MON2: variants seen among roughly 807,000 people sequenced by gnomAD.
MON2 encodes protein MON2 homolog.
Under a neutral mutation model 208.6 loss-of-function variants are expected in MON2, and 84 were observed. The ratio of observed to expected loss-of-function variants is 0.40; its 90% CI spans 0.34 to 0.48. MON2 has a LOEUF of 0.48. MON2 is among the 20% of genes least tolerant of loss of function. The pLI is 0.59. For missense variants in MON2, 1,611 were observed against 2,015.4 expected (o/e 0.80, Z 3.84); for synonymous variants, 660 against 694.0 (o/e 0.95, Z 0.77).
intron 32 of MON2, among the ~76,000 whole-genome samples, chr12:62,581,696 T>C (rs1397038691): frequency 6.6e-6 from 1 of 152,164 alleles, no homozygotes; most frequent in East Asian, 1.9e-4. Context: ...CCAGGTGTGA[T>C]GGCATTTGTC....
At chr12:62,542,738 C>T (rs909844103) in intron 19 of MON2, among the ~76,000 whole-genome samples, 1 of 152,076 alleles carries the variant, frequency 6.6e-6, no homozygotes, top group Admixed American at 6.5e-5. Context: ...TTTTTCCCTA[C>T]TTCTTGACAT....
At chr12:62,545,072 T>A in intron 21 of MON2, 64 bp downstream of exon 21, 1 of 1,065,212 alleles carries the variant, frequency 9.4e-7, no homozygotes. Flanking sequence ...CCATATGTGA[T>A]TTTTTTCTTA....
chr12:62,585,456 G>T lies in MON2; in HGVS notation c.4862G>T (p.Arg1621Leu). 6.2e-7 allele frequency: 1 copy of T among 1,613,060 alleles called. No individual in the cohort carries two copies. Among genetic ancestry groups the T allele is most frequent in the East Asian group, 2.2e-5 (1 of 44,834 alleles). Reference protein sequence around the residue: ...LLKRSQDVLHRYIEDERLSGK... With the variant: ...LLKRSQDVLHLYIEDERLSGK... ...AAGAGGTCCCAAGATGTACTACATC[G>T]CTATATAGAGGATGAAAGATTAAGT... The change falls in exon 33 of 35, where the codon CGC (arginine) becomes CTC (leucine). Residue 1621 changes from arginine to leucine, a missense_variant. Coordinates refer to ENST00000393630, the MANE Select transcript of MON2 (RefSeq NM_015026.3).
intron 1 of MON2, among the ~76,000 whole-genome samples, chr12:62,481,262 C>G (rs2069410405): frequency 6.6e-6 from 1 of 152,148 alleles, no homozygotes; most frequent in Non-Finnish European, 1.5e-5. Flanking sequence ...CGTGGTGGCT[C>G]ACGCCTGTAA....
intron 20 of MON2, among the ~76,000 whole-genome samples, chr12:62,543,732 C>A (rs750135006): frequency 2.0e-5 from 3 of 152,034 alleles, no homozygotes; most frequent in Non-Finnish European, 4.4e-5. Context: ...CTCAGCCTCC[C>A]GAGTAGCTGG....
intron 7 of MON2, 60 bp from the exon 8 acceptor site, chr12:62,508,226 G>A (rs2071203446): frequency 7.6e-7 from 1 of 1,323,480 alleles, no homozygotes; most frequent in African/African-American, 1.5e-5. Context: ...CTGTGTTTTT[G>A]GAAGTATTAA....
At chr12:62,504,725 A>G (rs1477399594) in intron 7 of MON2, among the ~76,000 whole-genome samples, 1 of 152,204 alleles carries the variant, frequency 6.6e-6, no homozygotes, top group African/African-American at 2.4e-5. Flanking sequence ...AAAATTTACC[A>G]GTCACTTAAG....
At chr12:62,510,130 A>G (rs1414670577) in intron 8 of MON2, among the ~76,000 whole-genome samples, 1 of 152,172 alleles carries the variant, frequency 6.6e-6, no homozygotes, top group African/African-American at 2.4e-5. Flanking sequence ...AATTAAACAG[A>G]CCTATAACTA....
chr12:62,486,579 T>C (rs1408096992), intron 2 of MON2, among the ~76,000 whole-genome samples: 1 of 152,118 alleles, frequency 6.6e-6, no homozygotes, highest in African/African-American at 2.4e-5. Flanking sequence ...TACCTAAAAG[T>C]TGTAGATTTA....
chr12:62,579,438 AT>A (rs1334983376), intron 31 of MON2, among the ~76,000 whole-genome samples: 4 of 151,694 alleles, frequency 2.6e-5, no homozygotes, highest in Non-Finnish European at 5.9e-5. Flanking sequence ...TAAAATATAC[AT>A]TTGGCCGGGC....
intron 29 of MON2, among the ~76,000 whole-genome samples, chr12:62,568,270 C>CA (rs1250937060): frequency 1.3e-5 from 2 of 152,180 alleles, no homozygotes; most frequent in Admixed American, 6.5e-5. Context: ...TCTAAGCCAT[C>CA]ATAAGATCAG....
At chr12:62,591,820 A>G (rs1163900430) in intron 34 of MON2, among the ~76,000 whole-genome samples, 4 of 152,192 alleles carry the variant, frequency 2.6e-5, no homozygotes, top group Non-Finnish European at 4.4e-5. Flanking sequence ...ATTTTTCTTT[A>G]ATACTATAAT....
At chr12:62,485,798 G>C (rs1027309403) in intron 2 of MON2, among the ~76,000 whole-genome samples, 4 of 152,084 alleles carry the variant, frequency 2.6e-5, no homozygotes, top group Non-Finnish European at 4.4e-5. Context: ...CTGCCTCCTG[G>C]GTTCAAGCGA....
chr12:62,584,470 A>G (rs1334435341), intron 32 of MON2, among the ~76,000 whole-genome samples: 3 of 152,116 alleles, frequency 2.0e-5, no homozygotes, highest in African/African-American at 4.8e-5. Context: ...TTGGGAAGCC[A>G]AGGCTGGCGG....
chr12:62,485,993 C>T (rs895083877), intron 2 of MON2, among the ~76,000 whole-genome samples: 2 of 152,142 alleles, frequency 1.3e-5, no homozygotes, highest in African/African-American at 2.4e-5. Flanking sequence ...TGAGCCACTG[C>T]GCCCGGCCAG....
chr12:62,527,021 G>C (rs866802261), intron 11 of MON2, among the ~76,000 whole-genome samples: 3 of 152,114 alleles, frequency 2.0e-5, no homozygotes. Flanking sequence ...AGCTACTCGG[G>C]AAACTGAGGC....
Position 62,554,990 on chromosome 12 carries a change from G to T in MON2, c.3211-1004G>T, listed in dbSNP as rs2073903511. On this transcript the variant is annotated intron_variant, in intron 24 of 34. Coordinates refer to ENST00000393630, the MANE Select transcript of MON2 (RefSeq NM_015026.3). ...TTTTTGTATTTTTAGTAGAGACAGG[G>T]TTTCACTGTGTTAGCCAGGATGGTC... is the stretch of plus-strand genomic sequence containing the variant. 2.0e-5 allele frequency among the ~76,000 whole-genome samples: 3 copies of T among 151,870 alleles called. No homozygotes were observed. In the East Asian group the frequency reaches 5.8e-4, roughly 30 times the overall value.
At chr12:62,495,291 T>C (rs2070407217) in intron 4 of MON2, 144 bp downstream of exon 4, 1 of 677,052 alleles carries the variant, frequency 1.5e-6, no homozygotes, top group Non-Finnish European at 2.3e-6. Context: ...TGTTAATAAC[T>C]GTTGGTACCT....
Position 62,493,957 on chromosome 12 carries a change from T to C in MON2, c.218T>C (p.Met73Thr), listed in dbSNP as rs2070324308. The change falls in exon 3 of 35, where the codon ATG becomes ACG. Residue 73 changes from methionine to threonine, a missense_variant. Met to Thr is a moderately conservative substitution (Grantham distance 81). Transcript: ENST00000393630. Reference protein sequence around the residue: ...NSSEVVQPFLMGCGTKEPKIT... With the variant: ...NSSEVVQPFLTGCGTKEPKIT... The stretch of plus-strand genomic sequence containing the variant: ...TCAGAGGTTGTACAGCCTTTTTTAA[T>C]GGGTTGTGGAACCAAGGAACCGAAG... 1 of 1,611,582 alleles carries C rather than the reference T, an allele frequency of 6.2e-7. No homozygotes were observed. Among genetic ancestry groups the C allele is most frequent in the African/African-American group, 1.3e-5 (1 of 75,022 alleles).
Sources: allele counts gnomAD v4.1 joint callset (sites outside exome capture counted in the v4.1 genomes callset), GRCh38; gene constraint gnomAD v4.1.1; transcripts MANE v1.5; gene names NCBI Gene and HGNC (gene_info 2026-07-23, HGNC 2026-07-21).